Variants in GALNT14 observed in about 807,000 individuals in gnomAD.
The protein encoded by GALNT14 is UDP-GalNAc:polypeptide N-acetylgalactosaminyltransferase 14.
A neutral mutation model predicts 77.5 loss-of-function variants in GALNT14; 60 were observed. The observed-to-expected ratio is 0.77, with a 90% CI of 0.63 to 0.96. GALNT14 has a LOEUF of 0.96. Among genes scored for constraint, GALNT14 ranks in the 40% least tolerant of loss-of-function variants. The pLI, the probability that GALNT14 is intolerant of heterozygous loss-of-function variation, is 0.00. For synonymous variants in GALNT14, 280 were observed against 281.7 expected (o/e 0.99, Z 0.06); for missense variants, 710 against 731.0 (o/e 0.97, Z 0.33).
At chr2:31,008,825 G>A (rs548367989) in intron 1 of GALNT14, among the ~76,000 whole-genome samples, 5 of 152,318 alleles carry the variant, frequency 3.3e-5, no homozygotes, top group Admixed American at 1.3e-4. Context: ...ACACCGCTCC[G>A]GGAGGAAAGG....
At chr2:31,095,248 C>T (rs533428874) in intron 1 of GALNT14, among the ~76,000 whole-genome samples, 31 of 152,186 alleles carry the variant, frequency 2.0e-4, no homozygotes, top group Non-Finnish European at 4.0e-4. Flanking sequence ...GGGTGACCAG[C>T]AGGATCCCAC....
chr2:30,910,714 C>G lies in GALNT14; in HGVS notation c.*187G>C. 1 of 568,518 alleles carries G rather than the reference C, an allele frequency of 1.8e-6. No individual in the cohort carries two copies. The highest frequency in any genetic ancestry group is 3.0e-6 in the Non-Finnish European group (1 of 328,024). The allele number at this position is 568,518 out of a possible 1,614,324, so 35.2% of individuals were successfully genotyped here. ...AGAACATGTGGGATTTGTCTTTGAG[C>G]CCCATTGGCTTGTGATGTTTTCCTC... On this transcript the variant is annotated 3_prime_UTR_variant, in exon 15 of 15. Transcript: ENST00000349752.
At chr2:31,030,723 G>A (rs909078230) in intron 1 of GALNT14, among the ~76,000 whole-genome samples, 1 of 152,134 alleles carries the variant, frequency 6.6e-6, no homozygotes, top group South Asian at 2.1e-4. Flanking sequence ...CTTCTCCCTG[G>A]TGGATTCTTT....
chr2:30,976,132 G>T (rs1292511470), intron 2 of GALNT14, among the ~76,000 whole-genome samples: 1 of 152,098 alleles, frequency 6.6e-6, no homozygotes, highest in East Asian at 1.9e-4. Context: ...AACACAGAAG[G>T]CCAGACATCT....
chr2:31,082,732 G>C (rs1271448809), intron 1 of GALNT14, among the ~76,000 whole-genome samples: 1 of 152,106 alleles, frequency 6.6e-6, no homozygotes, highest in African/African-American at 2.4e-5. Context: ...TGATAAAAAA[G>C]AAATTGGCTG....
At chr2:30,891,255 T>G in the GALNT14 span, among the ~76,000 whole-genome samples, 1 of 152,190 alleles carries the variant, frequency 6.6e-6, no homozygotes, top group Non-Finnish European at 1.5e-5. Context: ...ACTGAGATTC[T>G]GAGATTCAGA....
chr2:30,918,674 GTGGCATCAGGCAGGGAGGA>G (rs1367271951), intron 13 of GALNT14, among the ~76,000 whole-genome samples: 82 of 122,258 alleles, frequency 6.7e-4, no homozygotes, highest in African/African-American at 2.3e-3. Context: ...GGCAGGGAGG[GTGGCATCAGGCAGGGAGGA>G]TGGCATCGGG....
chr2:31,091,231 T>C (rs548588787), intron 1 of GALNT14, among the ~76,000 whole-genome samples: 1 of 152,330 alleles, frequency 6.6e-6, no homozygotes. Context: ...TTTTAAATGG[T>C]TGAAAAAAAG....
chr2:31,081,670 G>A (rs1212242415), intron 1 of GALNT14, among the ~76,000 whole-genome samples: 1 of 152,144 alleles, frequency 6.6e-6, no homozygotes, highest in African/African-American at 2.4e-5. Flanking sequence ...AGACTCAGAC[G>A]TGGCTGCAAA....
intron 1 of GALNT14, among the ~76,000 whole-genome samples, chr2:31,109,130 G>C (rs1282374340): frequency 1.3e-5 from 2 of 152,202 alleles, no homozygotes; most frequent in Admixed American, 6.5e-5. Flanking sequence ...TGTGCTTGGT[G>C]AATCAGCTGC....
At chr2:30,890,175 A>C in the GALNT14 span, among the ~76,000 whole-genome samples, 1 of 152,110 alleles carries the variant, frequency 6.6e-6, no homozygotes, top group East Asian at 1.9e-4. Flanking sequence ...CTACATGCTG[A>C]GGGCGGGGAC....
intron 3 of GALNT14, among the ~76,000 whole-genome samples, chr2:30,960,449 T>A (rs762610990): frequency 2.0e-5 from 3 of 151,972 alleles, no homozygotes; most frequent in Admixed American, 6.5e-5. Flanking sequence ...AACTGAGAGA[T>A]GATTAGTGAA....
At chr2:31,047,334 C>T (rs1448989239) in intron 1 of GALNT14, among the ~76,000 whole-genome samples, 1 of 152,182 alleles carries the variant, frequency 6.6e-6, no homozygotes, top group Non-Finnish European at 1.5e-5. Flanking sequence ...GGCATCATTC[C>T]CTGGGGAAGT....
In GALNT14 at chr2:31,064,818, G is replaced by T. The variant is rs147919368; in HGVS notation, c.130-71811C>A. Among the ~76,000 whole-genome samples, 398 of 152,116 alleles carry T rather than the reference G, an allele frequency of 2.6e-3. 4 individuals carry two copies. Among genetic ancestry groups the T allele is most frequent in the African/African-American group, 8.7e-3 (361 of 41,482 alleles). ...GGTGAAGGGGACTGGGGAAGAAGGA[G>T]TAAGTATATTTTAAAACTACATAGC... On this transcript the variant is annotated intron_variant, in intron 1 of 14. Coordinates refer to ENST00000349752, the MANE Select transcript of GALNT14 (RefSeq NM_024572.4).
intron 6 of GALNT14, among the ~76,000 whole-genome samples, chr2:30,954,338 G>A (rs1312753589): frequency 1.3e-5 from 2 of 152,234 alleles, no homozygotes; most frequent in African/African-American, 2.4e-5. Flanking sequence ...TCAAAAAAGA[G>A]TAGGAGAGGA....
chr2:31,028,493 T>A (rs1459300310), intron 1 of GALNT14, among the ~76,000 whole-genome samples: 2 of 152,210 alleles, frequency 1.3e-5, no homozygotes, highest in Non-Finnish European at 2.9e-5. Context: ...CTCCACCAGG[T>A]CCGGTTAGCG....
At chr2:31,130,734 CTGTGTGTGTGTGTGTGTGTGTGTG>C (rs4020220) in intron 1 of GALNT14, among the ~76,000 whole-genome samples, 1 of 117,470 alleles carries the variant, frequency 8.5e-6, no homozygotes, top group African/African-American at 3.5e-5. Flanking sequence ...CAGGGTACCT[CTGTGTGTGTGTGTGTGTGTGTGTG>C]TGTGTGTGTG....
intron 1 of GALNT14, among the ~76,000 whole-genome samples, chr2:31,082,777 T>C (rs1379956763): frequency 2.6e-5 from 4 of 152,146 alleles, no homozygotes; most frequent in African/African-American, 7.2e-5. Flanking sequence ...CCCAGCACTT[T>C]GGGAGGCCGA....
At chr2:31,005,731 T>C (rs991911211) in intron 1 of GALNT14, among the ~76,000 whole-genome samples, 3 of 152,190 alleles carry the variant, frequency 2.0e-5, no homozygotes, top group African/African-American at 7.2e-5. Context: ...AATTGGTCAT[T>C]ATCAATGTGA....
Sources: allele counts gnomAD v4.1 joint callset (sites outside exome capture counted in the v4.1 genomes callset), GRCh38; gene constraint gnomAD v4.1.1; transcripts MANE v1.5; gene names NCBI Gene and HGNC (gene_info 2026-07-23, HGNC 2026-07-21).